The following SEPTIN8 variants were observed in gnomAD, a reference collection of about 807,000 sequenced individuals.
The protein encoded by SEPTIN8 is septin-8.
In SEPTIN8, 22 loss-of-function variants were observed where a neutral mutation model predicts 53.1. The ratio of observed to expected loss-of-function variants is 0.41; its 90% CI spans 0.30 to 0.59. The LOEUF (loss-of-function observed/expected upper bound fraction) is 0.59. SEPTIN8 is among the 20% of genes least tolerant of loss of function. The pLI is 0.24. For synonymous variants in SEPTIN8, 228 were observed against 248.4 expected (o/e 0.92, Z 0.77); for missense variants, 536 against 638.7 (o/e 0.84, Z 1.73).
intron 9 of SEPTIN8, chr5:132,753,026 G>C (rs767878982): frequency 1.5e-6 from 2 of 1,354,196 alleles, no homozygotes; most frequent in Non-Finnish European, 2.1e-6. Flanking sequence ...TCCTTGCTTG[G>C]ACTACCATGA....
At position 132,761,344 on chromosome 5, in the gene SEPTIN8, G is replaced by C. The variant is rs1755924630; in HGVS notation, c.963-79C>G. The C allele has an allele frequency of 1.3e-6, 2 of 1,598,762 alleles. No homozygotes were observed. The highest frequency in any genetic ancestry group is 1.7e-6 in the Non-Finnish European group (2 of 1,175,354). ...AGGGCAGGGCAGAGCCAGAGAAGTA[G>C]AATCATGTGGGCACGAGGGGTAAGA... On this transcript the variant is annotated intron_variant, in intron 7 of 9. Coordinates refer to ENST00000378719, the MANE Select transcript of SEPTIN8 (RefSeq NM_001098811.2). This position sits in a 1 kb window ranked among gnomAD's most constrained non-coding sequence, Gnocchi z 5.8.
intron 4 of SEPTIN8, among the ~76,000 whole-genome samples, chr5:132,763,143 G>C (rs1756171159): frequency 6.6e-6 from 1 of 152,140 alleles, no homozygotes; most frequent in Non-Finnish European, 1.5e-5. Flanking sequence ...AGGGATGTGG[G>C]GTCACATGCC....
chr5:132,771,759 G>C (rs1343197412), intron 1 of SEPTIN8, among the ~76,000 whole-genome samples: 3 of 152,130 alleles, frequency 2.0e-5, no homozygotes, highest in Admixed American at 6.5e-5. Flanking sequence ...AACTGTCCTT[G>C]AGCCTGAGAG....
chr5:132,763,553 G>A (rs543553065), intron 4 of SEPTIN8, among the ~76,000 whole-genome samples, 153 bp downstream of exon 4: 2 of 152,146 alleles, frequency 1.3e-5, no homozygotes, highest in Admixed American at 6.5e-5. Context: ...AGGAACAGAC[G>A]CAAGACAGAG....
chr5:132,764,846 G>A lies in SEPTIN8; in HGVS notation c.152-427C>T, dbSNP rs146197654. ...AAGCCACCAGTGGCTCAACCCATGC[G>A]CCCCGGACAGCCCTAGCTCCACATG... is the stretch of plus-strand genomic sequence containing the variant. On this transcript the variant is annotated intron_variant, in intron 2 of 9. Coordinates refer to ENST00000378719, the MANE Select transcript of SEPTIN8 (RefSeq NM_001098811.2). Among the ~76,000 whole-genome samples, 1,414 of 152,182 alleles carry A rather than the reference G, an allele frequency of 9.3e-3. 10 individuals are homozygous for A. The highest frequency in any genetic ancestry group is 0.011 in the Non-Finnish European group (768 of 68,012).
At chr5:132,779,791 T>C (rs1758014665), upstream of SEPTIN8, among the ~76,000 whole-genome samples, 1 of 152,246 alleles carries the variant, frequency 6.6e-6, no homozygotes, top group Admixed American at 6.5e-5. Flanking sequence ...AGGCAATTTG[T>C]GTATGTGTAT....
chr5:132,757,951 A>C, intron 9 of SEPTIN8: 1 of 986,226 alleles, frequency 1.0e-6, no homozygotes, highest in Non-Finnish European at 1.2e-6. Context: ...TGGAATATGC[A>C]GGATTTGCTT....
rs1482943655 is a variant in SEPTIN8 at position 132,776,018 on chromosome 5, A to T, written c.30+1090T>A. On this transcript the variant is annotated intron_variant, in intron 1 of 9. Coordinates refer to ENST00000378719, the MANE Select transcript of SEPTIN8 (RefSeq NM_001098811.2). This position sits in a 1 kb window ranked among gnomAD's most constrained non-coding sequence, Gnocchi z 4.4. ...AATGTATTTTCAGATTAAATGGAAA[A>T]TTTACATATATAAATTGGGATGACG... 1 of 152,320 alleles carries T rather than the reference A, an allele frequency of 6.6e-6. No individual in the cohort carries two copies. Among genetic ancestry groups the T allele is most frequent in the African/African-American group, 2.4e-5 (1 of 41,434 alleles). 9.4% of individuals were successfully genotyped at this position (152,320 alleles called of 1,614,324 possible).
intron 5 of SEPTIN8, among the ~76,000 whole-genome samples, 163 bp downstream of exon 5, chr5:132,762,321 G>A (rs1756065500): frequency 6.6e-6 from 1 of 152,180 alleles, no homozygotes; most frequent in Non-Finnish European, 1.5e-5. Flanking sequence ...CCTGTCCCCT[G>A]CCCACAGATG....
upstream of SEPTIN8, chr5:132,778,146 G>C: frequency 1.1e-6 from 1 of 905,240 alleles, no homozygotes; most frequent in Non-Finnish European, 1.3e-6. Flanking sequence ...TACAAAAGCA[G>C]CTCCCAAATC....
At position 132,751,259 on chromosome 5, in the gene SEPTIN8, CTT is replaced by C. The variant is rs898391900; in HGVS notation, c.*755_*756del. ...GACGGCACTATTATGGTGAGTTTCT[CTT>C]TTAAATACACACTGCAAAAATATTT... On this transcript the variant is annotated 3_prime_UTR_variant, in exon 10 of 10. Coordinates refer to ENST00000378719, the MANE Select transcript of SEPTIN8 (RefSeq NM_001098811.2). 1 of 383,734 alleles carries C rather than the reference CTT, an allele frequency of 2.6e-6. No individual in the cohort carries two copies. The highest frequency in any genetic ancestry group is 2.1e-5 in the African/African-American group (1 of 48,468). The allele number at this position is 383,734 out of a possible 1,614,324, so 23.8% of individuals were successfully genotyped here.
rs766388922 is a variant in SEPTIN8 at position 132,758,840 on chromosome 5, AAAAC to A, written c.1286+1958_1286+1961del. ...CGTGCGTTAACTGAAAAATAAAAAT[AAAAC>A]AAACAAAACAAAAACAGACACATTA... On this transcript the variant is annotated intron_variant, in intron 9 of 9. Transcript: ENST00000378719. The A allele has an allele frequency of 4.4e-4, 710 of 1,610,572 alleles. 6 individuals carry two copies. Among genetic ancestry groups the A allele is most frequent in the Middle Eastern group, 1.5e-3 (9 of 6,052 alleles).
At chr5:132,777,744 G>A (rs1455521292), upstream of SEPTIN8, 2 of 985,390 alleles carry the variant, frequency 2.0e-6, no homozygotes, top group Admixed American at 1.2e-4. The surrounding 1 kb of genome is among the most constrained non-coding windows in gnomAD (Gnocchi z 4.1). Flanking sequence ...GTCTGCGGGT[G>A]TCTTGGGCCC....
At chr5:132,753,445 G>A (rs1203205093) in intron 9 of SEPTIN8, 2 of 164,750 alleles carry the variant, frequency 1.2e-5, no homozygotes, top group African/African-American at 4.8e-5. Flanking sequence ...AAACACATAT[G>A]TGGTGCTTCC....
chr5:132,760,783 G>C lies in SEPTIN8; in HGVS notation c.1286+19C>G. On this transcript the variant is annotated intron_variant, in intron 9 of 9. Transcript: ENST00000378719. This position sits in a 1 kb window ranked among gnomAD's most constrained non-coding sequence, Gnocchi z 5.2. ...CACAGGAGCAAGAGGAGCCAGCGCA[G>C]GCGCAGCCTGCCACCTACTTCTTCT... 6.2e-7 allele frequency: 1 copy of C among 1,610,060 alleles called. No individual in the cohort carries two copies. The highest frequency in any genetic ancestry group is 8.5e-7 in the Non-Finnish European group (1 of 1,178,608).
chr5:132,776,027 T>C lies in SEPTIN8; in HGVS notation c.30+1081A>G, dbSNP rs541437366. 3 of 152,364 alleles carry C rather than the reference T, an allele frequency of 2.0e-5. No individual in the cohort carries two copies. The highest frequency in any genetic ancestry group is 1.3e-4 in the Admixed American group (2 of 15,286). The allele number at this position is 152,364 out of a possible 1,614,324, so 9.4% of individuals were successfully genotyped here. A position where few individuals can be genotyped will look rare whatever the true frequency, so the allele number is the denominator to read the frequency against. On this transcript the variant is annotated intron_variant, in intron 1 of 9. Transcript: ENST00000378719. The surrounding 1 kb of genome is among the most constrained non-coding windows in gnomAD (Gnocchi z 4.4). ...TCAGATTAAATGGAAAATTTACATA[T>C]ATAAATTGGGATGACGGTATTTATA... is the stretch of plus-strand genomic sequence containing the variant.
At chr5:132,763,935 AGGGGCTT>A (rs371968796) in intron 3 of SEPTIN8, 43 bp from the exon 4 acceptor site, 1 of 1,415,720 alleles carries the variant, frequency 7.1e-7, no homozygotes, top group East Asian at 2.4e-5. Context: ...AGCTGAGATC[AGGGGCTT>A]GGGGCTTGGG....
chr5:132,773,593 A>G lies in SEPTIN8; in HGVS notation c.30+3515T>C, dbSNP rs192189805. ...TGACCAAAGTCTGCATCCTCACCCA[A>G]CCTTGGGCTGTTGGCATCAACAAGA... On this transcript the variant is annotated intron_variant, in intron 1 of 9. Coordinates refer to ENST00000378719, the MANE Select transcript of SEPTIN8 (RefSeq NM_001098811.2). The surrounding 1 kb of genome is among the most constrained non-coding windows in gnomAD (Gnocchi z 4.2). Among the ~76,000 whole-genome samples, 9 of 152,104 alleles carry G rather than the reference A, an allele frequency of 5.9e-5. No individual in the cohort carries two copies. In the East Asian group the frequency reaches 1.7e-3, roughly 29 times the overall value.
chr5:132,752,266 A>T, intron 9 of SEPTIN8, 85 bp from the exon 10 acceptor site: 1 of 1,471,694 alleles, frequency 6.8e-7, no homozygotes, highest in Non-Finnish European at 9.1e-7. Context: ...CTGACCCCAA[A>T]GGGGTACCCT....
Sources: gnomAD v4.1 joint callset for allele counts (sites outside exome capture counted in the v4.1 genomes callset) on GRCh38, gnomAD v4.1.1 for gene constraint, Gnocchi (gnomAD v3.1) non-coding constraint, MANE v1.5 for transcripts, NCBI Gene and HGNC (gene_info 2026-07-23, HGNC 2026-07-21) for gene names.